Variants in ZNF562 observed in about 807,000 individuals in gnomAD.
ZNF562 encodes zinc finger protein 562.
In ZNF562, 13 loss-of-function variants were observed where a neutral mutation model predicts 17.5. The observed-to-expected ratio is 0.74, with a 90% CI of 0.48 to 1.18. ZNF562 has a LOEUF of 1.18. Ranked by LOEUF, ZNF562 falls within the 50% of genes most tolerant of loss-of-function variation. The pLI is 0.00. For missense variants in ZNF562, 481 were observed against 498.5 expected (o/e 0.96, Z 0.33); for synonymous variants, 163 against 165.4 (o/e 0.99, Z 0.11).
chr19:9,664,304 A>G (rs139569152), intron 1 of ZNF562, among the ~76,000 whole-genome samples: 1 of 152,246 alleles, frequency 6.6e-6, no homozygotes, highest in East Asian at 1.9e-4. Context: ...CCTGACCACG[A>G]GTGGTCCACC....
At chr19:9,672,125 T>C (rs909543716) in intron 1 of ZNF562, among the ~76,000 whole-genome samples, 5 of 152,220 alleles carry the variant, frequency 3.3e-5, no homozygotes, top group African/African-American at 1.2e-4. Flanking sequence ...AAAGTCAATA[T>C]AATGGACAGT....
intron 1 of ZNF562, among the ~76,000 whole-genome samples, chr19:9,671,483 G>GA (rs901061412): frequency 1.1e-4 from 16 of 151,774 alleles, no homozygotes; most frequent in Middle Eastern, 3.4e-3. Context: ...CTCAAAAAAA[G>GA]AAAAAAAACC....
chr19:9,655,713 CTTTCTTTTTTTTT>C (rs1192011024), intron 5 of ZNF562, among the ~76,000 whole-genome samples: 10 of 54,552 alleles, frequency 1.8e-4, no homozygotes, highest in African/African-American at 6.8e-4. Context: ...ACTTTCTTTT[CTTTCTTTTTTTTT>C]TTTTTTTTTT....
chr19:9,657,360 C>T (rs2043539220), intron 4 of ZNF562, among the ~76,000 whole-genome samples: 1 of 149,456 alleles, frequency 6.7e-6, no homozygotes, highest in Admixed American at 6.7e-5. Context: ...TGCCACTGCA[C>T]CCCAGCCTGG....
At position 9,652,346 on chromosome 19, in the gene ZNF562, A is replaced by T. The variant is rs1463269209; in HGVS notation, c.*603T>A. 1 of 152,218 alleles carries T rather than the reference A, an allele frequency of 6.6e-6. No individual in the cohort carries two copies. Among genetic ancestry groups the T allele is most frequent in the Admixed American group, 6.5e-5 (1 of 15,276 alleles). The allele number at this position is 152,218 out of a possible 1,614,324, so 9.4% of individuals were successfully genotyped here. ...GACATGCTCTGCAGGATCCATGGGA[A>T]CAGAAGAGAACCTTGGAGGAGCATC... On this transcript the variant is annotated 3_prime_UTR_variant, in exon 6 of 6. Coordinates refer to ENST00000453372, the MANE Select transcript of ZNF562 (RefSeq NM_001130031.2).
chr19:9,656,871 A>AAAAAAAAT (rs376933513), intron 4 of ZNF562, among the ~76,000 whole-genome samples: 2 of 142,436 alleles, frequency 1.4e-5, no homozygotes, highest in Admixed American at 7.2e-5. Flanking sequence ...AAAATACAAA[A>AAAAAAAAT]ATATATATAT....
intron 3 of ZNF562, 168 bp from the exon 4 acceptor site, chr19:9,658,303 G>C (rs748914027): frequency 1.5e-5 from 15 of 985,334 alleles, no homozygotes; most frequent in Non-Finnish European, 1.8e-5. Flanking sequence ...AACAATCAAG[G>C]TTGACCTCCT....
chr19:9,672,939 A>G (rs564035100), intron 1 of ZNF562, among the ~76,000 whole-genome samples: 4 of 151,838 alleles, frequency 2.6e-5, no homozygotes, highest in East Asian at 3.9e-4. Context: ...ATTTCTCTGA[A>G]TTTCTCTTCA....
intron 1 of ZNF562, among the ~76,000 whole-genome samples, chr19:9,669,717 AGCGCGCGCGC>A (rs3074896): frequency 2.0e-5 from 2 of 98,942 alleles, no homozygotes; most frequent in African/African-American, 6.8e-5. Flanking sequence ...CACGCGCGCG[AGCGCGCGCGC>A]GCGCGCGCAC....
intron 1 of ZNF562, among the ~76,000 whole-genome samples, chr19:9,669,733 C>CGCGT (rs1491238258): frequency 1.2e-5 from 1 of 84,750 alleles, no homozygotes; most frequent in Non-Finnish European, 2.4e-5. Context: ...CGCGCGCGCG[C>CGCGT]GCACACACAC....
intron 1 of ZNF562, among the ~76,000 whole-genome samples, chr19:9,669,705 TGCACGCGCGCGAGCGCGCGCGCGC>T (rs1447371895): frequency 2.9e-5 from 3 of 102,998 alleles, no homozygotes; most frequent in Non-Finnish European, 5.7e-5. Context: ...CCTGTCTGCA[TGCACGCGCGCGAGCGCGCGCGCGC>T]GCGCGCACAC....
rs1294160997 is a variant in ZNF562 at position 9,650,387 on chromosome 19, TGTATATATA to T, written c.*2553_*2561del. 6.8e-6 allele frequency: 1 copy of T among 146,898 alleles called. No homozygotes were observed. The highest frequency in any genetic ancestry group is 2.6e-5 in the African/African-American group (1 of 38,758). 9.1% of individuals were successfully genotyped at this position (146,898 alleles called of 1,614,324 possible). Reference sequence around the variant, plus strand: ...GTATACATACATATGTGTATATATATGTATATATATATACACATACACACACACACACAC... The same window carrying T: ...GTATACATACATATGTGTATATATATTATACACATACACACACACACACAC... On this transcript the variant is annotated 3_prime_UTR_variant, in exon 6 of 6. Coordinates refer to ENST00000453372, the MANE Select transcript of ZNF562 (RefSeq NM_001130031.2).
chr19:9,668,762 A>C (rs1233426072), intron 1 of ZNF562, among the ~76,000 whole-genome samples: 1 of 150,964 alleles, frequency 6.6e-6, no homozygotes. Flanking sequence ...CATAAAAAAA[A>C]CAAACAAACA....
intron 1 of ZNF562, among the ~76,000 whole-genome samples, chr19:9,669,775 C>CACACACAA (rs1482940755): frequency 6.7e-6 from 1 of 149,210 alleles, no homozygotes; most frequent in Non-Finnish European, 1.5e-5. Flanking sequence ...CACACACACA[C>CACACACAA]AACCAGTCAG....
rs1466863126 is a variant in ZNF562, at chr19:9,643,412, C to G, written c.*9537G>C. On this transcript the variant is annotated 3_prime_UTR_variant, in exon 6 of 6. Coordinates refer to ENST00000453372, the MANE Select transcript of ZNF562 (RefSeq NM_001130031.2). ...GTCTGAAAGGGTCTTGAGCATCCCTCTGGGCAAATTCCAGGCATCATCCAT... is the reference window on the plus strand; with the variant it reads ...GTCTGAAAGGGTCTTGAGCATCCCTGTGGGCAAATTCCAGGCATCATCCAT... 1 of 152,004 alleles carries G rather than the reference C, an allele frequency of 6.6e-6. No homozygotes were observed. Among genetic ancestry groups the G allele is most frequent in the Non-Finnish European group, 1.5e-5 (1 of 68,010 alleles). 9.4% of individuals were successfully genotyped at this position (152,004 alleles called of 1,614,324 possible). A position where few individuals can be genotyped will look rare whatever the true frequency, so the allele number is the denominator to read the frequency against.
chr19:9,668,098 A>C (rs976549546), intron 1 of ZNF562, among the ~76,000 whole-genome samples: 10 of 152,202 alleles, frequency 6.6e-5, no homozygotes, highest in Admixed American at 6.5e-4. Context: ...TGCCAGCACC[A>C]GGCATGATGA....
intron 1 of ZNF562, among the ~76,000 whole-genome samples, chr19:9,665,359 A>C (rs186068635): frequency 5.9e-5 from 9 of 152,274 alleles, no homozygotes; most frequent in Non-Finnish European, 1.5e-5. Context: ...ATTTCTACCA[A>C]TTCAGTTTCT....
intron 1 of ZNF562, among the ~76,000 whole-genome samples, chr19:9,663,619 G>A (rs567012340): frequency 5.9e-5 from 9 of 151,546 alleles, no homozygotes; most frequent in Non-Finnish European, 8.8e-5. Flanking sequence ...TGCTCTTATC[G>A]CCCAGGCTAG....
At chr19:9,669,731 C>CGA (rs1568281937) in intron 1 of ZNF562, among the ~76,000 whole-genome samples, 3 of 81,364 alleles carry the variant, frequency 3.7e-5, no homozygotes, top group South Asian at 3.4e-4. Context: ...CGCGCGCGCG[C>CGA]GCGCACACAC....
Sources: allele counts gnomAD v4.1 joint callset (sites outside exome capture counted in the v4.1 genomes callset), GRCh38; gene constraint gnomAD v4.1.1; transcripts MANE v1.5; gene names NCBI Gene and HGNC (gene_info 2026-07-23, HGNC 2026-07-21).